The following ATXN7 variants were observed in gnomAD, a reference collection of about 807,000 sequenced individuals.
The protein encoded by ATXN7 is ataxin 7.
ATXN7 carries 12 observed loss-of-function variants against 70.5 expected under a neutral mutation model. That is an observed-to-expected ratio of 0.17 (90% confidence interval 0.11 to 0.28). The LOEUF is 0.28. ATXN7 is among the 10% of genes least tolerant of loss of function. ATXN7 has a pLI of 1.00. For missense variants in ATXN7, 1,256 were observed against 1,131.7 expected (o/e 1.11, Z -1.58); for synonymous variants, 498 against 448.7 (o/e 1.11, Z -1.39).
intron 5 of ATXN7, among the ~76,000 whole-genome samples, chr3:63,954,552 C>T (rs887056299): frequency 6.6e-6 from 1 of 151,970 alleles, no homozygotes; most frequent in African/African-American, 2.4e-5. Flanking sequence ...CTTAGTGGTG[C>T]CCCAGAGAAT....
rs537301830 is a variant in ATXN7, at chr3:63,927,515, G to A, written c.394+14290G>A. 3.9e-5 allele frequency among the ~76,000 whole-genome samples: 6 copies of A among 152,304 alleles called. No individual in the cohort carries two copies. In the South Asian group the frequency reaches 1.0e-3, roughly 26 times the overall value. On this transcript the variant is annotated intron_variant, in intron 4 of 12. Transcript: ENST00000674280. ...ATTCACGGCATAACACTCCCCTGTTGGTGATAGAGTGTGGTTCGTCTTTGG... is the reference window on the plus strand; with the variant it reads ...ATTCACGGCATAACACTCCCCTGTTAGTGATAGAGTGTGGTTCGTCTTTGG...
chr3:63,913,233 CA>C lies in ATXN7; in HGVS notation c.394+9del. ...TGGGGCTCTGTCGGGAAGGTGAGTCCAGCCCCCCTGATGGAGTTTGTACAAA... is the reference window on the plus strand; with the variant it reads ...TGGGGCTCTGTCGGGAAGGTGAGTCCGCCCCCCTGATGGAGTTTGTACAAA... On this transcript the variant is annotated intron_variant, in intron 4 of 12. Transcript: ENST00000674280. The C allele has an allele frequency of 2.5e-6, 4 of 1,613,218 alleles. No homozygotes were observed. The highest frequency in any genetic ancestry group is 3.4e-6 in the Non-Finnish European group (4 of 1,179,440).
intron 5 of ATXN7, among the ~76,000 whole-genome samples, chr3:63,970,910 C>T (rs993613277): frequency 1.3e-5 from 2 of 152,172 alleles, no homozygotes; most frequent in African/African-American, 4.8e-5. Context: ...TGTCATAAAG[C>T]GCTGACTTCA....
chr3:63,930,373 G>T (rs1386808098), intron 4 of ATXN7, among the ~76,000 whole-genome samples: 2 of 152,174 alleles, frequency 1.3e-5, no homozygotes, highest in Non-Finnish European at 2.9e-5. Context: ...GCCTGATGAA[G>T]ATATCCTGTA....
At chr3:63,872,076 G>T (rs1266732900) in intron 1 of ATXN7, among the ~76,000 whole-genome samples, 3 of 152,076 alleles carry the variant, frequency 2.0e-5, no homozygotes, top group Non-Finnish European at 4.4e-5. Flanking sequence ...TGGAGATACA[G>T]TTCATTGTTT....
In ATXN7 at chr3:63,999,450, C is replaced by A. The variant is rs1325892676; in HGVS notation, c.2662C>A (p.Pro888Thr). Residue 888 changes from proline to threonine, a missense_variant and splice_region_variant, in exon 13 of 13, where the codon CCA (proline) becomes ACA (threonine). Pro to Thr is a conservative substitution (Grantham distance 38). Transcript: ENST00000674280. ...GLMNSSLLHQPKARP is the reference protein window; with the variant it reads ...GLMNSSLLHQTKARP ...TTCCCCACCCCCTCTTTTTTGAAAG[C>A]CAAAGGCACGTCCCTGACAGCTGAA... 2 of 1,613,746 alleles carry A rather than the reference C, an allele frequency of 1.2e-6. No homozygotes were observed. The highest frequency in any genetic ancestry group is 8.5e-7 in the Non-Finnish European group (1 of 1,179,822).
upstream of ATXN7, chr3:63,863,343 C>A (rs1159172311): frequency 7.1e-6 from 5 of 702,982 alleles, no homozygotes; most frequent in Non-Finnish European, 8.8e-6. Context: ...GGCCCCCAGC[C>A]CTAAGCCCGG....
At chr3:63,875,475 G>A (rs1035884791) in intron 1 of ATXN7, among the ~76,000 whole-genome samples, 1 of 152,172 alleles carries the variant, frequency 6.6e-6, no homozygotes, top group Admixed American at 6.5e-5. Context: ...AGTCACCTTG[G>A]TAATTAGTAG....
chr3:63,975,229 A>G (rs545732663), intron 5 of ATXN7, among the ~76,000 whole-genome samples: 1 of 152,338 alleles, frequency 6.6e-6, no homozygotes, highest in Admixed American at 6.5e-5. Context: ...AGCCACTTGC[A>G]TGATACCCGT....
intron 5 of ATXN7, 46 bp from the exon 6 acceptor site, chr3:63,979,869 A>T (rs760493925): frequency 1.2e-6 from 2 of 1,605,004 alleles, no homozygotes; most frequent in Non-Finnish European, 1.7e-6. Flanking sequence ...TACATTTGAG[A>T]TTCGCCTAAA....
intron 2 of ATXN7, among the ~76,000 whole-genome samples, chr3:63,899,266 T>A (rs1190228393): frequency 6.6e-6 from 1 of 152,064 alleles, no homozygotes; most frequent in Non-Finnish European, 1.5e-5. Flanking sequence ...TTTGCTATGT[T>A]GGCCAGACTG....
intron 5 of ATXN7, among the ~76,000 whole-genome samples, chr3:63,967,327 G>A (rs2075242786): frequency 6.6e-6 from 1 of 152,138 alleles, no homozygotes; most frequent in African/African-American, 2.4e-5. Flanking sequence ...TGCACAGAAA[G>A]TGGGTTCAGA....
At chr3:63,926,776 A>T (rs1269203527) in intron 4 of ATXN7, among the ~76,000 whole-genome samples, 1 of 150,840 alleles carries the variant, frequency 6.6e-6, no homozygotes, top group Non-Finnish European at 1.5e-5. Context: ...GTTAAGTGTC[A>T]CCGTTTTTTT....
Position 63,915,852 on chromosome 3 carries a change from T to C in ATXN7, c.394+2627T>C, listed in dbSNP as rs1473025914. On this transcript the variant is annotated intron_variant, in intron 4 of 12. Coordinates refer to ENST00000674280, the MANE Select transcript of ATXN7 (RefSeq NM_001377405.1). ...ACGCACCACCACACCTGGCTAATTT[T>C]TGTATTTTTTATAGAGATGGAGTTT... 2.0e-5 allele frequency among the ~76,000 whole-genome samples: 3 copies of C among 152,158 alleles called. No homozygotes were observed. The East Asian group carries it at 5.8e-4, about 29-fold the overall frequency.
At chr3:63,952,929 A>G (rs2074980926) in intron 5 of ATXN7, among the ~76,000 whole-genome samples, 1 of 141,858 alleles carries the variant, frequency 7.0e-6, no homozygotes, top group South Asian at 2.3e-4. Context: ...TTAATTGTTG[A>G]AGAATCCAAA....
intron 1 of ATXN7, among the ~76,000 whole-genome samples, chr3:63,877,470 C>G (rs946851990): frequency 1.3e-5 from 2 of 152,242 alleles, no homozygotes; most frequent in African/African-American, 4.8e-5. Flanking sequence ...GTTAATCCTA[C>G]TGCTTGTCAG....
chr3:63,979,739 C>CTAA (rs2075454568), intron 5 of ATXN7, among the ~76,000 whole-genome samples, 176 bp from the exon 6 acceptor site: 1 of 152,120 alleles, frequency 6.6e-6, no homozygotes, highest in African/African-American at 2.4e-5. Flanking sequence ...TCCTAGAATG[C>CTAA]TAAGTAAGTC....
intron 4 of ATXN7, among the ~76,000 whole-genome samples, chr3:63,919,110 C>T (rs1465890700): frequency 2.0e-5 from 3 of 152,136 alleles, no homozygotes; most frequent in Non-Finnish European, 4.4e-5. Flanking sequence ...ATGGTTTTTG[C>T]ATTGCATTGG....
intron 5 of ATXN7, among the ~76,000 whole-genome samples, chr3:63,975,176 T>C (rs2075371829): frequency 6.6e-6 from 1 of 152,266 alleles, no homozygotes; most frequent in South Asian, 2.1e-4. Context: ...ATAGCAGAAC[T>C]GAAGATATTT....
Sources: gnomAD v4.1 joint callset for allele counts (sites outside exome capture counted in the v4.1 genomes callset) on GRCh38, gnomAD v4.1.1 for gene constraint, MANE v1.5 for transcripts, NCBI Gene and HGNC (gene_info 2026-07-23, HGNC 2026-07-21) for gene names.